The following FUCA2 variants were observed in gnomAD, a reference collection of about 807,000 sequenced individuals.
The protein encoded by FUCA2 is alpha-L-fucosidase 2, also known as plasma alpha-L-fucosidase.
FUCA2 carries 41 observed loss-of-function variants against 52.6 expected under a neutral mutation model. The ratio of observed to expected loss-of-function variants is 0.78; its 90% CI spans 0.61 to 1.01. FUCA2 has a LOEUF of 1.01. Among genes scored for constraint, FUCA2 ranks in the 50% least tolerant of loss-of-function variants. FUCA2 has a pLI of 0.00. For missense variants in FUCA2, 507 were observed against 569.5 expected, an observed-to-expected ratio of 0.89 and a Z score of 1.12; for synonymous variants, 211 against 217.3, an observed-to-expected ratio of 0.97 and a Z score of 0.26.
In FUCA2 at chr6:143,507,331, T is replaced by G; in HGVS notation, c.318A>C (p.Leu106=). 6.2e-7 allele frequency: 1 copy of G among 1,610,278 alleles called. No individual in the cohort carries two copies. Among genetic ancestry groups the G allele is most frequent in the Non-Finnish European group, 8.5e-7 (1 of 1,179,252 alleles). ...PSFKYEDFGP[L]FTAKFFNANQ... is the part of the protein sequence containing the mutation. ...TGGCATTAAAAAATTTTGCTGTAAA[T>G]AGTGGTCCAAAATCTTCATATTTGA... is the stretch of plus-strand genomic sequence containing the variant. The change falls in exon 2 of 7, where the codon CTA becomes CTC. Residue 106 remains leucine (L), a synonymous_variant. Transcript: ENST00000002165. The surrounding 1 kb of genome is among the most constrained non-coding windows in gnomAD (Gnocchi z 4.5).
Position 143,502,300 on chromosome 6 carries a change from C to T in FUCA2, c.963+55G>A, listed in dbSNP as rs1037917659. The T allele has an allele frequency of 6.5e-7, 1 of 1,533,264 alleles. No individual in the cohort carries two copies. The highest frequency in any genetic ancestry group is 1.4e-5 in the African/African-American group (1 of 72,920). The allele number at this position is 1,533,264 out of a possible 1,614,324, so 95.0% of individuals were successfully genotyped here. A position where few individuals can be genotyped will look rare whatever the true frequency, so the allele number is the denominator to read the frequency against. On this transcript the variant is annotated intron_variant, in intron 4 of 6. Coordinates refer to ENST00000002165, the MANE Select transcript of FUCA2 (RefSeq NM_032020.5). The surrounding 1 kb of genome is among the most constrained non-coding windows in gnomAD (Gnocchi z 4.1). ...TGAGCCATAGAAGAAATAATTCCTA[C>T]ATGACCACACTATTAAGAATATTAT... is the stretch of plus-strand genomic sequence containing the variant.
chr6:143,496,746 T>C (rs1037072328), intron 6 of FUCA2: 1 of 152,232 alleles, frequency 6.6e-6, no homozygotes, highest in East Asian at 1.9e-4. Context: ...TATTCAGATA[T>C]GTTCTGGGGT....
At position 143,501,482 on chromosome 6, in the gene FUCA2, C is replaced by T. The variant is rs1038698715; in HGVS notation, c.1154+450G>A. On this transcript the variant is annotated intron_variant, in intron 5 of 6. Coordinates refer to ENST00000002165, the MANE Select transcript of FUCA2 (RefSeq NM_032020.5). This position sits in a 1 kb window ranked among gnomAD's most constrained non-coding sequence, Gnocchi z 6.1. ...CTCAGAGAGAAGCATCTTCCCTGAA[C>T]CCTCCCTATTTTGATTCATTTTTAA... Among the ~76,000 whole-genome samples, 1 of 152,168 alleles carries T rather than the reference C, an allele frequency of 6.6e-6. No homozygotes were observed. Among genetic ancestry groups the T allele is most frequent in the Non-Finnish European group, 1.5e-5 (1 of 68,034 alleles).
At position 143,502,863 on chromosome 6, in the gene FUCA2, T is replaced by G; in HGVS notation, c.753-298A>C. ...AAACATTAGCCTGGTACCCAGCACA[T>G]ATAGCACTCATAAGAGTATTATATG... On this transcript the variant is annotated intron_variant, in intron 3 of 6. Transcript: ENST00000002165. This position sits in a 1 kb window ranked among gnomAD's most constrained non-coding sequence, Gnocchi z 4.1. 3.5e-6 allele frequency: 1 copy of G among 284,458 alleles called. No individual in the cohort carries two copies. The highest frequency in any genetic ancestry group is 6.6e-6 in the Non-Finnish European group (1 of 150,798). The allele number at this position is 284,458 out of a possible 1,614,324, so 17.6% of individuals were successfully genotyped here. A position where few individuals can be genotyped will look rare whatever the true frequency, so the allele number is the denominator to read the frequency against.
At position 143,507,351 on chromosome 6, in the gene FUCA2, A is replaced by G. The variant is rs555864563; in HGVS notation, c.298T>C (p.Tyr100His). ...GTAAATAGTGGTCCAAAATCTTCAT[A>G]TTTGAAACTAGGAGGGTAATTATCT... is the stretch of plus-strand genomic sequence containing the variant. ...MKDNYPPSFK[Y>H]EDFGPLFTAK... Residue 100 changes from tyrosine to histidine, a missense_variant, in exon 2 of 7, where the codon TAT (tyrosine) becomes CAT (histidine). Transcript: ENST00000002165. The surrounding 1 kb of genome is among the most constrained non-coding windows in gnomAD (Gnocchi z 4.5). The G allele has an allele frequency of 1.2e-6, 2 of 1,608,578 alleles. No homozygotes were observed. Among genetic ancestry groups the G allele is most frequent in the East Asian group, 2.2e-5 (1 of 44,784 alleles).
In FUCA2 at chr6:143,499,953, T is replaced by C. The variant is rs987944232; in HGVS notation, c.1154+1979A>G. On this transcript the variant is annotated intron_variant, in intron 5 of 6. Transcript: ENST00000002165. This position sits in a 1 kb window ranked among gnomAD's most constrained non-coding sequence, Gnocchi z 6.0. ...ATTGAGTTAAAGGGGAGAATTGCTA[T>C]AACAATCCTTGGGTGGATGATTTGC... is the stretch of plus-strand genomic sequence containing the variant. Among the ~76,000 whole-genome samples the C allele has an allele frequency of 1.3e-5, 2 of 152,200 alleles. No individual in the cohort carries two copies. Among genetic ancestry groups the C allele is most frequent in the Non-Finnish European group, 2.9e-5 (2 of 68,030 alleles).
At position 143,502,689 on chromosome 6, in the gene FUCA2, G is replaced by T. The variant is rs192022651; in HGVS notation, c.753-124C>A. ...AAAGGGACCATGGCATAGTACAGTG[G>T]AAAGCCCATGGTTTTGAAGTCAAAC... On this transcript the variant is annotated intron_variant, in intron 3 of 6. Coordinates refer to ENST00000002165, the MANE Select transcript of FUCA2 (RefSeq NM_032020.5). The surrounding 1 kb of genome is among the most constrained non-coding windows in gnomAD (Gnocchi z 4.1). The T allele has an allele frequency of 1.2e-5, 10 of 808,024 alleles. No individual in the cohort carries two copies. In the East Asian group the frequency reaches 2.7e-4, roughly 22 times the overall value. The allele number at this position is 808,024 out of a possible 1,614,324, so 50.1% of individuals were successfully genotyped here.
Position 143,497,462 on chromosome 6 carries a change from G to T in FUCA2, c.1190C>A (p.Ala397Asp). The change falls in exon 6 of 7, where the codon GCC (alanine) becomes GAC (aspartate). Residue 397 changes from alanine to aspartate, a missense_variant. Transcript: ENST00000002165. This position sits in a 1 kb window ranked among gnomAD's most constrained non-coding sequence, Gnocchi z 5.3. Reference sequence around the variant, plus strand: ...TGATGTGGGCCATTTAAGAAAAATGGCATAGACTAATTTTTCTTTAGGCTT... The same window carrying T: ...TGATGTGGGCCATTTAAGAAAAATGTCATAGACTAATTTTTCTTTAGGCTT... ...TSKPKEKLVYAIFLKWPTSGQ... is the reference protein window; with the variant it reads ...TSKPKEKLVYDIFLKWPTSGQ... 1 of 1,613,344 alleles carries T rather than the reference G, an allele frequency of 6.2e-7. No individual in the cohort carries two copies. Among genetic ancestry groups the T allele is most frequent in the Non-Finnish European group, 8.5e-7 (1 of 1,179,416 alleles).
At position 143,502,553 on chromosome 6, in the gene FUCA2, G is replaced by A. The variant is rs375228394; in HGVS notation, c.765C>T (p.Gly255=). ...AWLYNESPVR[G]TVVTNDRWGA... ...CCCAACGATCATTGGTGACTACTGT[G>A]CCCCGAACTGGGCTGAAATGAAACA... Residue 255 remains glycine, a synonymous_variant, in exon 4 of 7, where the codon GGC becomes GGT. Coordinates refer to ENST00000002165, the MANE Select transcript of FUCA2 (RefSeq NM_032020.5). The surrounding 1 kb of genome is among the most constrained non-coding windows in gnomAD (Gnocchi z 4.1). 8 of 1,613,344 alleles carry A rather than the reference G, an allele frequency of 5.0e-6. No individual in the cohort carries two copies. Among genetic ancestry groups the A allele is most frequent in the Non-Finnish European group, 6.8e-6 (8 of 1,179,772 alleles).
Position 143,495,859 on chromosome 6 carries a change from AACAT to A in FUCA2, c.1264-16_1264-13del, listed in dbSNP as rs1214938646. On this transcript the variant is annotated splice_polypyrimidine_tract_variant and intron_variant, in intron 6 of 6. Transcript: ENST00000002165. This position sits in a 1 kb window ranked among gnomAD's most constrained non-coding sequence, Gnocchi z 5.2. Reference sequence around the variant, plus strand: ...CCCAGTAGTTTCACCTGAAATTAAAAACATACATGCAAATGTCTCCAAATTTATC... The same window carrying A: ...CCCAGTAGTTTCACCTGAAATTAAAAACATGCAAATGTCTCCAAATTTATC... 1 of 1,613,088 alleles carries A rather than the reference AACAT, an allele frequency of 6.2e-7. No homozygotes were observed. The highest frequency in any genetic ancestry group is 8.5e-7 in the Non-Finnish European group (1 of 1,179,232).
In FUCA2 at chr6:143,501,794, G is replaced by T; in HGVS notation, c.1154+138C>A. The T allele has an allele frequency of 1.5e-6, 1 of 648,538 alleles. No homozygotes were observed. The highest frequency in any genetic ancestry group is 2.5e-6 in the Non-Finnish European group (1 of 396,166). 40.2% of individuals were successfully genotyped at this position (648,538 alleles called of 1,614,324 possible). On this transcript the variant is annotated intron_variant, in intron 5 of 6. Transcript: ENST00000002165. This position sits in a 1 kb window ranked among gnomAD's most constrained non-coding sequence, Gnocchi z 6.1. ...TTCTTCCCCTTCTCTTTATATTAGA[G>T]TAAGCAAAGTTTGGAAAGTGCTTTG... is the stretch of plus-strand genomic sequence containing the variant.
chr6:143,498,472 A>T (rs915407903), intron 5 of FUCA2, among the ~76,000 whole-genome samples: 1 of 152,162 alleles, frequency 6.6e-6, no homozygotes, highest in African/African-American at 2.4e-5. Flanking sequence ...GTGGCATGGA[A>T]GAGAACCATG....
At position 143,497,465 on chromosome 6, in the gene FUCA2, T is replaced by A. The variant is rs1483671857; in HGVS notation, c.1187A>T (p.Tyr396Phe). Residue 396 changes from tyrosine to phenylalanine, a missense_variant, in exon 6 of 7, where the codon TAT (tyrosine) becomes TTT (phenylalanine). Physicochemically the swap from Tyr to Phe is conservative, Grantham distance 22. Transcript: ENST00000002165. The surrounding 1 kb of genome is among the most constrained non-coding windows in gnomAD (Gnocchi z 5.3). ...YTSKPKEKLVYAIFLKWPTSG... is the reference protein window; with the variant it reads ...YTSKPKEKLVFAIFLKWPTSG... ...TGTGGGCCATTTAAGAAAAATGGCA[T>A]AGACTAATTTTTCTTTAGGCTTGGA... 1.9e-6 allele frequency: 3 copies of A among 1,613,340 alleles called. No individual in the cohort carries two copies. In the Admixed American group the frequency reaches 5.0e-5, roughly 27 times the overall value.
rs781434054 is a variant in FUCA2, at chr6:143,511,577, GCAGCAACAGCAA to G, written c.46_57del (p.Leu18_Leu21del). On this transcript the variant is annotated inframe_deletion, in exon 1 of 7. Transcript: ENST00000002165. This position sits in a 1 kb window ranked among gnomAD's most constrained non-coding sequence, Gnocchi z 6.3. The stretch of plus-strand genomic sequence containing the variant: ...GCAGGGCACGGCGGCGGCGGCAGCA[GCAGCAACAGCAA>G]CAGCAGCAACGGGAACGCGAGCCTG... 11 of 1,559,658 alleles carry G rather than the reference GCAGCAACAGCAA, an allele frequency of 7.1e-6. No homozygotes were observed. The highest frequency in any genetic ancestry group is 1.7e-4 in the Middle Eastern group (1 of 5,914).
Position 143,507,163 on chromosome 6 carries a change from G to A in FUCA2, c.412+74C>T. On this transcript the variant is annotated intron_variant, in intron 2 of 6. Coordinates refer to ENST00000002165, the MANE Select transcript of FUCA2 (RefSeq NM_032020.5). The surrounding 1 kb of genome is among the most constrained non-coding windows in gnomAD (Gnocchi z 4.5). ...GAAGAGAAAATTAGACCTTGCTTTA[G>A]TTTTTTCTTCCAAAAGAACAACTTT... The A allele has an allele frequency of 2.1e-6, 3 of 1,438,270 alleles. No individual in the cohort carries two copies. Among genetic ancestry groups the A allele is most frequent in the East Asian group, 4.8e-5 (2 of 41,874 alleles). 89.1% of individuals were successfully genotyped at this position (1,438,270 alleles called of 1,614,324 possible).
At chr6:143,505,805 C>T (rs947941359) in intron 2 of FUCA2, 1 of 152,242 alleles carries the variant, frequency 6.6e-6, no homozygotes, top group Non-Finnish European at 1.5e-5. Flanking sequence ...GCTTACACTG[C>T]GACGTTCCTT....
chr6:143,507,242 T>G lies in FUCA2; in HGVS notation c.407A>C (p.His136Pro). The G allele has an allele frequency of 1.3e-6, 2 of 1,586,520 alleles. No homozygotes were observed. The highest frequency in any genetic ancestry group is 1.7e-6 in the Non-Finnish European group (2 of 1,171,830). Residue 136 changes from histidine (H) to proline (P), a missense_variant, in exon 2 of 7, where the codon CAT (histidine) becomes CCT (proline). By Grantham distance (77) the His-to-Pro change is moderately conservative. Coordinates refer to ENST00000002165, the MANE Select transcript of FUCA2 (RefSeq NM_032020.5). This position sits in a 1 kb window ranked among gnomAD's most constrained non-coding sequence, Gnocchi z 4.5. ...AKYIVLTSKH[H>P]EGFTLWGSEY... is the part of the protein sequence containing the mutation. ...CATAGGCTGGATTGACTTACCTTCA[T>G]GATGTTTGGAAGTTAAGACAATGTA...
intron 2 of FUCA2, chr6:143,506,497 A>G (rs1361691564): frequency 6.6e-6 from 1 of 151,950 alleles, no homozygotes; most frequent in Non-Finnish European, 1.5e-5. Flanking sequence ...TCCAGTGCAA[A>G]TTTTTTTATA....
intron 1 of FUCA2, among the ~76,000 whole-genome samples, chr6:143,508,340 C>G (rs1028711682): frequency 2.0e-5 from 3 of 152,196 alleles, no homozygotes; most frequent in Admixed American, 6.5e-5. Flanking sequence ...ATAGATGCAA[C>G]CCCCATTTTT....
Sources: gnomAD v4.1 joint callset for allele counts (sites outside exome capture counted in the v4.1 genomes callset) on GRCh38, gnomAD v4.1.1 for gene constraint, Gnocchi (gnomAD v3.1) non-coding constraint, MANE v1.5 for transcripts, NCBI Gene and HGNC (gene_info 2026-07-23, HGNC 2026-07-21) for gene names.